Variants in MSRA observed in about 807,000 individuals in gnomAD.
The protein encoded by MSRA is methionine sulfoxide reductase A, also known as mitochondrial peptide methionine sulfoxide reductase.
Under a neutral mutation model 31.3 loss-of-function variants are expected in MSRA, and 54 were observed. That is an observed-to-expected ratio of 1.73 (90% CI 1.39 to 2.17). The LOEUF (loss-of-function observed/expected upper bound fraction) is 2.17, where lower values mean the gene tolerates loss of function less well. MSRA is among the 30% of genes most tolerant of loss of function. The pLI is 0.00. For missense variants in MSRA, 507 were observed against 300.9 expected, an observed-to-expected ratio of 1.69 and a Z score of -5.07; for synonymous variants, 169 against 116.5, an observed-to-expected ratio of 1.45 and a Z score of -2.90.
chr8:10,100,179 G>A (rs935785153), intron 1 of MSRA, among the ~76,000 whole-genome samples: 1 of 152,174 alleles, frequency 6.6e-6, no homozygotes, highest in Non-Finnish European at 1.5e-5. Context: ...TGTTATTGAG[G>A]GGCTGCATGG....
intron 2 of MSRA, among the ~76,000 whole-genome samples, chr8:10,216,836 C>T (rs529995016): frequency 4.6e-5 from 7 of 152,328 alleles, no homozygotes; most frequent in Admixed American, 1.3e-4. Context: ...TCCACCTTTT[C>T]GCTGTTGTGG....
At chr8:10,417,758 G>GTGTA (rs1051613141) in intron 5 of MSRA, among the ~76,000 whole-genome samples, 11 of 149,834 alleles carry the variant, frequency 7.3e-5, no homozygotes, top group African/African-American at 2.7e-4. Flanking sequence ...TGCATGTTGT[G>GTGTA]TGTGTGTGTG....
intron 1 of MSRA, among the ~76,000 whole-genome samples, chr8:10,084,250 C>A (rs768334953): frequency 6.6e-6 from 1 of 152,208 alleles, no homozygotes; most frequent in Non-Finnish European, 1.5e-5. Context: ...GCATTTCTGA[C>A]CTGGGCCTTA....
At chr8:10,427,860 C>T (rs1177887482) in intron 5 of MSRA, among the ~76,000 whole-genome samples, 2 of 152,200 alleles carry the variant, frequency 1.3e-5, no homozygotes, top group Non-Finnish European at 2.9e-5. Flanking sequence ...CAAACCAGGG[C>T]CCCCAACATG....
intron 3 of MSRA, chr8:10,250,743 G>A (rs1267836603): frequency 4.3e-6 from 2 of 460,882 alleles, no homozygotes; most frequent in East Asian, 3.5e-5. Context: ...AATATTTACT[G>A]TCAGGTGCTT....
At chr8:10,215,853 A>G (rs1029929446) in intron 2 of MSRA, among the ~76,000 whole-genome samples, 1 of 152,332 alleles carries the variant, frequency 6.6e-6, no homozygotes, top group African/African-American at 2.4e-5. Flanking sequence ...TTTTTCCTTT[A>G]AGTTTTGACA....
At chr8:10,369,742 G>C (rs899531322) in intron 5 of MSRA, among the ~76,000 whole-genome samples, 1 of 152,286 alleles carries the variant, frequency 6.6e-6, no homozygotes, top group East Asian at 1.9e-4. Context: ...GATAGCATAA[G>C]AATTTATTTA....
At chr8:10,054,819 G>A (rs1802228750) in intron 1 of MSRA, among the ~76,000 whole-genome samples, 161 bp downstream of exon 1, 1 of 152,308 alleles carries the variant, frequency 6.6e-6, no homozygotes, top group East Asian at 1.9e-4. Context: ...GGCAGTGGCC[G>A]GGGAGACGCT....
chr8:10,134,409 G>T (rs1802115028), intron 1 of MSRA, among the ~76,000 whole-genome samples: 2 of 152,354 alleles, frequency 1.3e-5, no homozygotes, highest in Non-Finnish European at 2.9e-5. Flanking sequence ...ATACGTGCCT[G>T]TCCTGCCCCA....
At chr8:10,217,806 C>T (rs530351500) in intron 2 of MSRA, among the ~76,000 whole-genome samples, 5 of 152,008 alleles carry the variant, frequency 3.3e-5, no homozygotes, top group Admixed American at 3.3e-4. Context: ...AGTCCATTTC[C>T]CCTGTTGCCT....
At chr8:10,259,103 A>AG (rs1798333235) in intron 3 of MSRA, among the ~76,000 whole-genome samples, 1 of 140,716 alleles carries the variant, frequency 7.1e-6, no homozygotes, top group Non-Finnish European at 1.6e-5. Flanking sequence ...ACTCTGTCAA[A>AG]GGAAAAAAAA....
intron 1 of MSRA, among the ~76,000 whole-genome samples, chr8:10,132,091 C>T (rs943554764): frequency 7.2e-5 from 11 of 152,166 alleles, no homozygotes; most frequent in Non-Finnish European, 1.3e-4. Flanking sequence ...TGAAATGACT[C>T]CCACCTTGCC....
chr8:10,226,738 GT>G (rs201353119), intron 2 of MSRA, among the ~76,000 whole-genome samples: 3,529 of 152,132 alleles, frequency 0.023, 91 homozygotes, highest in African/African-American at 0.057. Context: ...TTTGTTTTTT[GT>G]TTTTGTTAAG....
At chr8:10,064,310 C>A (rs556148273) in intron 1 of MSRA, among the ~76,000 whole-genome samples, 4 of 152,076 alleles carry the variant, frequency 2.6e-5, no homozygotes, top group Non-Finnish European at 4.4e-5. Flanking sequence ...GCTGGTACCT[C>A]TTCTGTAAGC....
chr8:10,292,311 A>G (rs4841311), intron 3 of MSRA, among the ~76,000 whole-genome samples: 102,007 of 152,076 alleles, frequency 0.67, 34,180 homozygotes, highest in Middle Eastern at 0.74. Flanking sequence ...CCTCCGGCCC[A>G]TACGTCTTTA....
intron 5 of MSRA, among the ~76,000 whole-genome samples, chr8:10,404,258 G>C (rs921482557): frequency 6.6e-6 from 1 of 152,084 alleles, no homozygotes; most frequent in African/African-American, 2.4e-5. Flanking sequence ...ACCTTCCCCA[G>C]GGGCATCTGG....
intron 1 of MSRA, among the ~76,000 whole-genome samples, chr8:10,170,185 C>T (rs1805477510): frequency 6.6e-6 from 1 of 151,622 alleles, no homozygotes; most frequent in Non-Finnish European, 1.5e-5. Context: ...TGTGCCGGGC[C>T]TTCCTTGGTA....
chr8:10,225,117 A>G (rs1341764505), intron 2 of MSRA, among the ~76,000 whole-genome samples: 3 of 152,236 alleles, frequency 2.0e-5, no homozygotes, highest in Admixed American at 2.0e-4. Flanking sequence ...AACCTGGGTG[A>G]CGGAGTGAGA....
chr8:10,126,945 C>G (rs1469505047), intron 1 of MSRA, among the ~76,000 whole-genome samples: 1 of 151,770 alleles, frequency 6.6e-6, no homozygotes, highest in African/African-American at 2.4e-5. Context: ...GTAGTGCTCG[C>G]TCACCTGCCA....
Sources: gnomAD v4.1 joint callset for allele counts (sites outside exome capture counted in the v4.1 genomes callset) on GRCh38, gnomAD v4.1.1 for gene constraint, MANE v1.5 for transcripts, NCBI Gene and HGNC (gene_info 2026-07-23, HGNC 2026-07-21) for gene names.